The following CDKL1 variants were observed in gnomAD, a reference collection of about 807,000 sequenced individuals.
The protein encoded by CDKL1 is cyclin dependent kinase like 1, also known as cyclin-dependent kinase-like 1.
A neutral mutation model predicts 42.0 loss-of-function variants in CDKL1; 41 were observed. The ratio of observed to expected loss-of-function variants is 0.98; its 90% CI spans 0.76 to 1.27. The LOEUF is 1.27. Ranked by LOEUF, CDKL1 falls within the 50% of genes most tolerant of loss-of-function variation. CDKL1 has a pLI of 0.00. For synonymous variants in CDKL1, 153 were observed against 158.6 expected, an observed-to-expected ratio of 0.96 and a Z score of 0.26; for missense variants, 394 against 428.4, an observed-to-expected ratio of 0.92 and a Z score of 0.71.
At chr14:50,378,610 T>C (rs1595360478) in intron 2 of CDKL1, among the ~76,000 whole-genome samples, 1 of 152,238 alleles carries the variant, frequency 6.6e-6, no homozygotes, top group Non-Finnish European at 1.5e-5. Context: ...CATCGCTCCC[T>C]GCAGCCTTGA....
rs2033568378 is a variant in CDKL1 at position 50,342,181 on chromosome 14, C to G, written c.405G>C (p.Thr135=). ...RDVKPENILI[T]KHSVIKLCDF... Reference sequence around the variant, plus strand: ...CACAAAGCTTAATCACGGAATGTTTCGTGATGAGGATATTTTCTGGCTTCA... The same window carrying G: ...CACAAAGCTTAATCACGGAATGTTTGGTGATGAGGATATTTTCTGGCTTCA... Residue 135 remains threonine, a synonymous_variant, in exon 5 of 10, where the codon ACG becomes ACC. Coordinates refer to ENST00000395834, the MANE Select transcript of CDKL1 (RefSeq NM_004196.7). 1 of 1,614,012 alleles carries G rather than the reference C, an allele frequency of 6.2e-7. No homozygotes were observed. Among genetic ancestry groups the G allele is most frequent in the Non-Finnish European group, 8.5e-7 (1 of 1,179,974 alleles).
Position 50,329,872 on chromosome 14 carries a change from C to A in CDKL1, c.*202G>T. On this transcript the variant is annotated 3_prime_UTR_variant, in exon 10 of 10. Transcript: ENST00000395834. Reference sequence around the variant, plus strand: ...AAGTGCAACTCCAAACAGGTTTTTTCTTTTCTGGACACCATCATCAAGCAT... The same window carrying A: ...AAGTGCAACTCCAAACAGGTTTTTTATTTTCTGGACACCATCATCAAGCAT... 1 of 594,032 alleles carries A rather than the reference C, an allele frequency of 1.7e-6. No homozygotes were observed. Among genetic ancestry groups the A allele is most frequent in the Non-Finnish European group, 2.8e-6 (1 of 362,934 alleles). 36.8% of individuals were successfully genotyped at this position (594,032 alleles called of 1,614,324 possible).
At chr14:50,365,959 C>G (rs1480071541) in intron 2 of CDKL1, among the ~76,000 whole-genome samples, 1 of 152,236 alleles carries the variant, frequency 6.6e-6, no homozygotes, top group Non-Finnish European at 1.5e-5. Flanking sequence ...GGCTCTCCGG[C>G]CTTCAGCCAC....
At position 50,342,300 on chromosome 14, in the gene CDKL1, C is replaced by T. The variant is rs2033573869; in HGVS notation, c.364-78G>A. On this transcript the variant is annotated intron_variant, in intron 4 of 9. Transcript: ENST00000395834. Reference sequence around the variant, plus strand: ...ATAAATGAAACACATGACTATTTAGCAAATATTGGATAAATCATTTAAATC... The same window carrying T: ...ATAAATGAAACACATGACTATTTAGTAAATATTGGATAAATCATTTAAATC... 5 of 1,509,106 alleles carry T rather than the reference C, an allele frequency of 3.3e-6. No individual in the cohort carries two copies. The Admixed American group carries it at 5.2e-5, about 16-fold the overall frequency. 93.5% of individuals were successfully genotyped at this position (1,509,106 alleles called of 1,614,324 possible).
chr14:50,397,000 C>T (rs1216063343), upstream of CDKL1: 1 of 1,091,904 alleles, frequency 9.2e-7, no homozygotes, highest in African/African-American at 1.7e-5. Context: ...CGGCCGCCCT[C>T]CCGGCTGCAG....
upstream of CDKL1, chr14:50,396,979 C>T: frequency 1.2e-6 from 1 of 851,786 alleles, no homozygotes; most frequent in Non-Finnish European, 1.5e-6. Context: ...CACCCCCGGC[C>T]CGGCCCAGCC....
upstream of CDKL1, chr14:50,396,995 GC>G: frequency 9.7e-7 from 1 of 1,027,456 alleles, no homozygotes; most frequent in Non-Finnish European, 1.3e-6. Flanking sequence ...CAGCCCGGCC[GC>G]CCTCCCGGCT....
chr14:50,352,969 T>C (rs2033947288), intron 3 of CDKL1, among the ~76,000 whole-genome samples: 1 of 152,222 alleles, frequency 6.6e-6, no homozygotes, highest in South Asian at 2.1e-4. Context: ...TGAGGGAAAG[T>C]AGGCAATTTG....
intron 2 of CDKL1, among the ~76,000 whole-genome samples, chr14:50,365,636 C>T (rs1165376701): frequency 6.6e-6 from 1 of 152,100 alleles, no homozygotes; most frequent in African/African-American, 2.4e-5. Context: ...CCCTAGAGCC[C>T]TGTGATAGTT....
chr14:50,335,897 T>A, intron 7 of CDKL1: 1 of 1,269,092 alleles, frequency 7.9e-7, no homozygotes, highest in Non-Finnish European at 1.0e-6. Context: ...AGCCTCTGTT[T>A]CAGAGTTCCC....
intron 2 of CDKL1, chr14:50,362,966 G>A (rs764123824): frequency 6.4e-6 from 3 of 465,784 alleles, no homozygotes; most frequent in Non-Finnish European, 1.3e-5. Flanking sequence ...CACGCTTTGG[G>A]TCCGCACTGC....
intron 2 of CDKL1, among the ~76,000 whole-genome samples, chr14:50,360,555 A>C (rs1188212209): frequency 6.6e-6 from 1 of 151,978 alleles, no homozygotes; most frequent in Non-Finnish European, 1.5e-5. Flanking sequence ...CTACAGGTGC[A>C]CACCACCATG....
Position 50,376,669 on chromosome 14 carries a change from T to C in CDKL1, c.169-17520A>G, listed in dbSNP as rs149783973. On this transcript the variant is annotated intron_variant, in intron 2 of 9. Coordinates refer to ENST00000395834, the MANE Select transcript of CDKL1 (RefSeq NM_004196.7). Reference sequence around the variant, plus strand: ...CATTAAAATATGTGAAAATAGGAAGTACATGAAAAAATATTTTAAAATCCT... The same window carrying C: ...CATTAAAATATGTGAAAATAGGAAGCACATGAAAAAATATTTTAAAATCCT... 7.8e-3 allele frequency among the ~76,000 whole-genome samples: 1,190 copies of C among 152,278 alleles called. 13 individuals carry two copies. The highest frequency in any genetic ancestry group is 0.027 in the African/African-American group (1,128 of 41,556).
At chr14:50,372,134 G>A (rs1261757526) in intron 2 of CDKL1, among the ~76,000 whole-genome samples, 5 of 152,240 alleles carry the variant, frequency 3.3e-5, no homozygotes, top group Non-Finnish European at 7.3e-5. Context: ...TTGTTTTTGA[G>A]ACGGAGTCTC....
At chr14:50,367,062 C>T (rs1488375994) in intron 2 of CDKL1, among the ~76,000 whole-genome samples, 1 of 152,154 alleles carries the variant, frequency 6.6e-6, no homozygotes, top group Non-Finnish European at 1.5e-5. Flanking sequence ...GATGAGAAAG[C>T]TGTCTAAAGA....
At chr14:50,345,236 C>T (rs548881493) in intron 3 of CDKL1, among the ~76,000 whole-genome samples, 178 bp from the exon 4 acceptor site, 36 of 152,300 alleles carry the variant, frequency 2.4e-4, no homozygotes, top group East Asian at 1.9e-4. Flanking sequence ...ACCAGCACAC[C>T]GCTGAAGTCT....
chr14:50,393,747 T>C (rs2035323770), intron 2 of CDKL1, among the ~76,000 whole-genome samples: 1 of 152,204 alleles, frequency 6.6e-6, no homozygotes, highest in South Asian at 2.1e-4. Context: ...TTCATAGAGA[T>C]CAGTGGTGTC....
At chr14:50,341,570 G>A (rs1271223826) in intron 5 of CDKL1, among the ~76,000 whole-genome samples, 2 of 151,808 alleles carry the variant, frequency 1.3e-5, no homozygotes, top group African/African-American at 2.4e-5. Flanking sequence ...CTTCAGCCCA[G>A]GAGTTCGAGA....
intron 7 of CDKL1, chr14:50,335,600 A>C: frequency 1.3e-6 from 2 of 1,534,594 alleles, no homozygotes; most frequent in Non-Finnish European, 1.7e-6. Context: ...GCAGACAAAC[A>C]GGCCAGTTAA....
Sources: allele counts gnomAD v4.1 joint callset (sites outside exome capture counted in the v4.1 genomes callset), GRCh38; gene constraint gnomAD v4.1.1; transcripts MANE v1.5; gene names NCBI Gene and HGNC (gene_info 2026-07-23, HGNC 2026-07-21).